The following ZNF140 variants were observed in gnomAD, a reference collection of about 807,000 sequenced individuals.
ZNF140 encodes the protein zinc finger protein 140 (clone pHZ-39).
ZNF140 carries 13 observed loss-of-function variants against 12.9 expected under a neutral mutation model. The observed-to-expected ratio is 1.01, with a 90% confidence interval of 0.66 to 1.60. The LOEUF (loss-of-function observed/expected upper bound fraction) is 1.60. ZNF140 is among the 40% of genes most tolerant of loss of function. ZNF140 has a pLI of 0.00. For synonymous variants in ZNF140, 214 were observed against 186.7 expected (o/e 1.15, Z -1.19); for missense variants, 531 against 548.8 (o/e 0.97, Z 0.32).
rs547121496 is a variant in ZNF140 at position 133,104,491 on chromosome 12, A to G, written c.233-1019A>G. On this transcript the variant is annotated intron_variant, in intron 4 of 4. Coordinates refer to ENST00000355557, the MANE Select transcript of ZNF140 (RefSeq NM_003440.4). Reference sequence around the variant, plus strand: ...CTCAGCCTCCTGAGTACCTGGGACTACAGGTGCATGCCATCACGCCTGGCT... The same window carrying G: ...CTCAGCCTCCTGAGTACCTGGGACTGCAGGTGCATGCCATCACGCCTGGCT... Among the ~76,000 whole-genome samples the G allele has an allele frequency of 6.6e-5, 10 of 151,976 alleles. No homozygotes were observed. The South Asian group carries it at 1.9e-3, about 28-fold the overall frequency.
chr12:133,105,488 C>CTTT, intron 4 of ZNF140, 22 bp from the exon 5 acceptor site: 3 of 1,519,398 alleles, frequency 2.0e-6, no homozygotes, highest in Admixed American at 2.2e-5. Flanking sequence ...GAAACATTCA[C>CTTT]TTTTTTTTTG....
At chr12:133,101,120 A>T in intron 4 of ZNF140, 1 of 314,728 alleles carries the variant, frequency 3.2e-6, no homozygotes. Context: ...AATATAATAT[A>T]CCTAATTGTA....
intron 4 of ZNF140, among the ~76,000 whole-genome samples, chr12:133,097,851 T>TGTGTGTGTG (rs1219923897): frequency 1.5e-4 from 12 of 78,560 alleles, no homozygotes; most frequent in African/African-American, 5.6e-4. Flanking sequence ...GTGTGTGTGT[T>TGTGTGTGTG]TTTGAGATGA....
intron 4 of ZNF140, chr12:133,100,998 G>C (rs1184758539): frequency 2.2e-6 from 1 of 454,324 alleles, no homozygotes; most frequent in Non-Finnish European, 4.4e-6. Flanking sequence ...TAACTGAAGT[G>C]GTGAAAAACT....
intron 4 of ZNF140, chr12:133,084,047 T>C (rs1954592281): frequency 2.9e-6 from 1 of 340,996 alleles, no homozygotes; most frequent in Non-Finnish European, 5.6e-6. Context: ...ATTCTGTTTT[T>C]TCTATATTAC....
chr12:133,096,540 A>G (rs1323813128), intron 4 of ZNF140, among the ~76,000 whole-genome samples: 1 of 152,174 alleles, frequency 6.6e-6, no homozygotes, highest in East Asian at 1.9e-4. Flanking sequence ...CACTGCTTTC[A>G]CTGCATCCCA....
At position 133,083,243 on chromosome 12, in the gene ZNF140, T is replaced by C; in HGVS notation, c.136+14T>C. The stretch of plus-strand genomic sequence containing the variant: ...TGGTCTCACTGGGTAAGTATTCTTC[T>C]TCATCTCCCTCAAGGCAAAATTTGA... On this transcript the variant is annotated intron_variant, in intron 3 of 4. Coordinates refer to ENST00000355557, the MANE Select transcript of ZNF140 (RefSeq NM_003440.4). The C allele has an allele frequency of 6.2e-7, 1 of 1,601,884 alleles. No homozygotes were observed. Among genetic ancestry groups the C allele is most frequent in the Non-Finnish European group, 8.5e-7 (1 of 1,171,266 alleles).
intron 4 of ZNF140, among the ~76,000 whole-genome samples, chr12:133,097,819 A>ATGTGTGTGTGTGTGTGTGTGTG (rs71079166): frequency 0.047 from 6,716 of 142,918 alleles, 205 homozygotes; most frequent in Non-Finnish European, 0.055. Flanking sequence ...ACATCTAACC[A>ATGTGTGTGTGTGTGTGTGTGTG]TGTGTGTGTG....
chr12:133,104,500 T>G (rs757894057), intron 4 of ZNF140, among the ~76,000 whole-genome samples: 1 of 151,674 alleles, frequency 6.6e-6, no homozygotes, highest in Non-Finnish European at 1.5e-5. Context: ...TACAGGTGCA[T>G]GCCATCACGC....
At chr12:133,099,915 A>G (rs1593793143) in intron 4 of ZNF140, among the ~76,000 whole-genome samples, 1 of 151,524 alleles carries the variant, frequency 6.6e-6, no homozygotes, top group East Asian at 1.9e-4. Context: ...CACAGGCTAC[A>G]GAATTGTGGG....
At position 133,106,328 on chromosome 12, in the gene ZNF140, C is replaced by G; in HGVS notation, c.1051C>G (p.His351Asp). ...HSFLIKHQRI[H>D]AGEKLYECDE... Reference sequence around the variant, plus strand: ...ATTCCTTATTAAACATCAGAGAATTCATGCTGGAGAAAAGCTCTATGAATG... The same window carrying G: ...ATTCCTTATTAAACATCAGAGAATTGATGCTGGAGAAAAGCTCTATGAATG... The change falls in exon 5 of 5, where the codon CAT (histidine) becomes GAT (aspartate). Residue 351 changes from histidine to aspartate, a missense_variant. Physicochemically the swap from His to Asp is moderately conservative, Grantham distance 81. Coordinates refer to ENST00000355557, the MANE Select transcript of ZNF140 (RefSeq NM_003440.4). 4 of 1,614,170 alleles carry G rather than the reference C, an allele frequency of 2.5e-6. No homozygotes were observed. The highest frequency in any genetic ancestry group is 3.4e-6 in the Non-Finnish European group (4 of 1,180,024).
Position 133,090,280 on chromosome 12 carries a change from C to T in ZNF140, c.232+6719C>T, listed in dbSNP as rs1359112378. Among the ~76,000 whole-genome samples the T allele has an allele frequency of 2.2e-4, 33 of 152,060 alleles. 1 individual carries two copies. In the South Asian group the frequency reaches 2.9e-3, roughly 13 times the overall value. Reference sequence around the variant, plus strand: ...TTAGCTTCCAAGTAGCTATAAGTACCGACACATGCCAACACTCCTGACTAA... The same window carrying T: ...TTAGCTTCCAAGTAGCTATAAGTACTGACACATGCCAACACTCCTGACTAA... On this transcript the variant is annotated intron_variant, in intron 4 of 4. Transcript: ENST00000355557.
At chr12:133,082,996 T>C in intron 2 of ZNF140, 107 bp from the exon 3 acceptor site, 2 of 1,525,976 alleles carry the variant, frequency 1.3e-6, no homozygotes, top group Admixed American at 1.8e-5. Flanking sequence ...TCACTGTTAC[T>C]ACTTAGACAC....
Position 133,106,022 on chromosome 12 carries a change from G to A in ZNF140, c.745G>A (p.Glu249Lys). Residue 249 changes from glutamate (E) to lysine (K), a missense_variant, in exon 5 of 5, where the codon GAG becomes AAG. Physicochemically the swap from Glu to Lys is moderately conservative, Grantham distance 56. Coordinates refer to ENST00000355557, the MANE Select transcript of ZNF140 (RefSeq NM_003440.4). ...TGGGGAGAAACCTTATGAATGTACT[G>A]AGTGTGGAAAGGCCTTTAGCCGTGC... ...HTGEKPYECT[E>K]CGKAFSRASN... is the part of the protein sequence containing the mutation. The A allele has an allele frequency of 6.2e-7, 1 of 1,614,128 alleles. No homozygotes were observed. The highest frequency in any genetic ancestry group is 8.5e-7 in the Non-Finnish European group (1 of 1,180,040).
At position 133,081,348 on chromosome 12, in the gene ZNF140, AATATATAT is replaced by A. The variant is rs368640870; in HGVS notation, c.9+35_9+42del. The A allele has an allele frequency of 1.1e-3, 342 of 318,788 alleles. 36 individuals carry two copies. The highest frequency in any genetic ancestry group is 1.6e-3 in the Non-Finnish European group (282 of 172,484). 19.7% of individuals were successfully genotyped at this position (318,788 alleles called of 1,614,324 possible). On this transcript the variant is annotated intron_variant, in intron 2 of 4. Coordinates refer to ENST00000355557, the MANE Select transcript of ZNF140 (RefSeq NM_003440.4). ...GTCTCAGGTAAGCTAATGATTGATA[AATATATAT>A]ATATATATATATATAAATTTTTATT...
chr12:133,088,778 AT>A (rs1593753774), intron 4 of ZNF140, among the ~76,000 whole-genome samples: 1 of 151,962 alleles, frequency 6.6e-6, no homozygotes. Context: ...TGGTTGTTGG[AT>A]TTTGCTAATG....
intron 4 of ZNF140, among the ~76,000 whole-genome samples, chr12:133,091,724 G>C (rs1954898082): frequency 6.6e-6 from 1 of 150,774 alleles, no homozygotes; most frequent in African/African-American, 2.5e-5. Flanking sequence ...CAAGTGACAG[G>C]GTTAAGATTT....
At chr12:133,094,031 C>A (rs945440781) in intron 4 of ZNF140, among the ~76,000 whole-genome samples, 1 of 151,152 alleles carries the variant, frequency 6.6e-6, no homozygotes, top group South Asian at 2.1e-4. Context: ...CTCTGTTGGT[C>A]TTTCCCAAAT....
intron 4 of ZNF140, chr12:133,101,170 G>T: frequency 8.3e-6 from 2 of 242,070 alleles, no homozygotes; most frequent in Admixed American, 5.2e-5. Flanking sequence ...TACCTTGCTT[G>T]GTGTTCTCTG....
Sources: gnomAD v4.1 joint callset for allele counts (sites outside exome capture counted in the v4.1 genomes callset) on GRCh38, gnomAD v4.1.1 for gene constraint, MANE v1.5 for transcripts, NCBI Gene and HGNC (gene_info 2026-07-23, HGNC 2026-07-21) for gene names.